The following PSMA7 variants were observed in gnomAD, a reference collection of about 807,000 sequenced individuals.
PSMA7 encodes the protein proteasome 20S subunit alpha 7.
Under a neutral mutation model 31.3 loss-of-function variants are expected in PSMA7, and 5 were observed. The ratio of observed to expected loss-of-function variants is 0.16; its 90% confidence interval spans 0.08 to 0.34. The LOEUF is 0.34. PSMA7 is among the 10% of genes least tolerant of loss of function. The pLI is 1.00. For synonymous variants in PSMA7, 155 were observed against 121.9 expected, an observed-to-expected ratio of 1.27 and a Z score of -1.79; for missense variants, 217 against 327.5, an observed-to-expected ratio of 0.66 and a Z score of 2.60.
rs775347616 is a variant in PSMA7 at position 62,137,442 on chromosome 20, G to A, written c.592-16C>T. 13 of 1,613,624 alleles carry A rather than the reference G, an allele frequency of 8.1e-6. No homozygotes were observed. The highest frequency in any genetic ancestry group is 6.8e-6 in the Non-Finnish European group (8 of 1,179,702). On this transcript the variant is annotated splice_polypyrimidine_tract_variant and intron_variant, in intron 5 of 6. Coordinates refer to ENST00000370873, the MANE Select transcript of PSMA7 (RefSeq NM_002792.4). The stretch of plus-strand genomic sequence containing the variant: ...ACTGAACCACCTTGAAGGGACAGAA[G>A]ACAGGAGCATTAACCACCTTTCCCT...
intron 2 of PSMA7, among the ~76,000 whole-genome samples, chr20:62,140,516 C>A (rs1394741513): frequency 1.3e-5 from 2 of 152,204 alleles, no homozygotes; most frequent in African/African-American, 4.8e-5. Context: ...GCAGTTAGCT[C>A]TAGAAAGTCC....
chr20:62,136,815 T>C lies in PSMA7; in HGVS notation c.*42A>G, dbSNP rs1443792584. 1.3e-6 allele frequency: 2 copies of C among 1,575,870 alleles called. No individual in the cohort carries two copies. Among genetic ancestry groups the C allele is most frequent in the African/African-American group, 1.4e-5 (1 of 72,700 alleles). ...CCTACACATCGAGACTCATCCATGATTGATATGAATTTAAAAATTACAAGC... is the reference window on the plus strand; with the variant it reads ...CCTACACATCGAGACTCATCCATGACTGATATGAATTTAAAAATTACAAGC... On this transcript the variant is annotated 3_prime_UTR_variant, in exon 7 of 7. Transcript: ENST00000370873.
At chr20:62,139,033 T>C in intron 4 of PSMA7, 42 bp downstream of exon 4, 2 of 1,602,932 alleles carry the variant, frequency 1.2e-6, no homozygotes, top group African/African-American at 1.3e-5. Flanking sequence ...TCAAAGCCTT[T>C]TTCTGGCAAG....
intron 6 of PSMA7, 147 bp downstream of exon 6, chr20:62,137,217 T>G (rs1164630367): frequency 1.2e-5 from 11 of 940,200 alleles, no homozygotes; most frequent in Non-Finnish European, 1.8e-5. Context: ...ATCTTCTCTT[T>G]GACGTATGGG....
Position 62,143,327 on chromosome 20 carries a change from C to A in PSMA7, c.-24G>T. 7.3e-7 allele frequency: 1 copy of A among 1,362,862 alleles called. No individual in the cohort carries two copies. Among genetic ancestry groups the A allele is most frequent in the East Asian group, 3.4e-5 (1 of 29,278 alleles). The allele number at this position is 1,362,862 out of a possible 1,614,324, so 84.4% of individuals were successfully genotyped here. The stretch of plus-strand genomic sequence containing the variant: ...ATGCCGGCGGGCGGCGGCCGGGCTC[C>A]TTCCGCCGCGACTCTCAAAAGCGCA... On this transcript the variant is annotated 5_prime_UTR_variant, in exon 1 of 7. In the 5' UTR this introduces an upstream ATG that the reference lacks. Transcript: ENST00000370873.
At chr20:62,137,022 G>A (rs972043413) in intron 6 of PSMA7, 73 bp from the exon 7 acceptor site, 8 of 1,566,264 alleles carry the variant, frequency 5.1e-6, no homozygotes, top group African/African-American at 1.4e-5. Flanking sequence ...TCTGGGGAGG[G>A]CGGCCAGGCT....
intron 6 of PSMA7, 144 bp downstream of exon 6, chr20:62,137,220 C>A: frequency 1.1e-6 from 1 of 947,408 alleles, no homozygotes; most frequent in Non-Finnish European, 1.7e-6. Flanking sequence ...TTCTCTTTGA[C>A]GTATGGGGAG....
In PSMA7 at chr20:62,139,761, GC is replaced by G. The variant is rs2056916010; in HGVS notation, c.348+19del. ...CTGCCCTGCTGCCAGAGGTGAGCAT[GC>G]AAGCGGGCAGGCACCCACCTGCTTC... is the stretch of plus-strand genomic sequence containing the variant. On this transcript the variant is annotated intron_variant, in intron 3 of 6. Coordinates refer to ENST00000370873, the MANE Select transcript of PSMA7 (RefSeq NM_002792.4). The G allele has an allele frequency of 6.2e-7, 1 of 1,613,738 alleles. No individual in the cohort carries two copies. Among genetic ancestry groups the G allele is most frequent in the South Asian group, 1.1e-5 (1 of 91,096 alleles).
At chr20:62,141,915 C>G (rs989349816) in intron 1 of PSMA7, among the ~76,000 whole-genome samples, 1 of 152,250 alleles carries the variant, frequency 6.6e-6, no homozygotes, top group African/African-American at 2.4e-5. Flanking sequence ...AACAGCGCCT[C>G]CTGGTTTAGA....
At chr20:62,137,618 A>G (rs2056903204) in intron 5 of PSMA7, among the ~76,000 whole-genome samples, 192 bp from the exon 6 acceptor site, 1 of 151,934 alleles carries the variant, frequency 6.6e-6, no homozygotes, top group African/African-American at 2.4e-5. Context: ...ATGCCTGCAC[A>G]CCCCTCCGCC....
Position 62,139,767 on chromosome 20 carries a change from G to A in PSMA7, c.348+14C>T, listed in dbSNP as rs201813800. ...TGCTGCCAGAGGTGAGCATGCAAGC[G>A]GGCAGGCACCCACCTGCTTCAGACT... On this transcript the variant is annotated intron_variant, in intron 3 of 6. Transcript: ENST00000370873. 9.3e-6 allele frequency: 15 copies of A among 1,613,738 alleles called. No individual in the cohort carries two copies. Among genetic ancestry groups the A allele is most frequent in the African/African-American group, 8.0e-5 (6 of 74,948 alleles).
rs1471820379 is a variant in PSMA7 at position 62,142,868 on chromosome 20, C to CG, written c.96+339dup. On this transcript the variant is annotated intron_variant, in intron 1 of 6. Coordinates refer to ENST00000370873, the MANE Select transcript of PSMA7 (RefSeq NM_002792.4). ...CGGCCCTCGCCCGGCCTCTGCTCGCCGGGGCGGCGGCGCGACCCACGCGCC... is the reference window on the plus strand; with the variant it reads ...CGGCCCTCGCCCGGCCTCTGCTCGCCGGGGGCGGCGGCGCGACCCACGCGCC... Among the ~76,000 whole-genome samples, 30 of 151,424 alleles carry CG rather than the reference C, an allele frequency of 2.0e-4. No homozygotes were observed. The East Asian group carries it at 5.2e-3, about 26-fold the overall frequency.
intron 3 of PSMA7, 114 bp from the exon 4 acceptor site, chr20:62,139,311 G>T: frequency 7.8e-7 from 1 of 1,287,882 alleles, no homozygotes; most frequent in Non-Finnish European, 1.1e-6. Flanking sequence ...CCCTTCTCAG[G>T]TTATCAGCAG....
At chr20:62,137,939 A>T (rs2056904837) in intron 5 of PSMA7, among the ~76,000 whole-genome samples, 1 of 152,206 alleles carries the variant, frequency 6.6e-6, no homozygotes, top group Non-Finnish European at 1.5e-5. Context: ...GTCCCTGCAC[A>T]ACCCTCAGCT....
At position 62,136,829 on chromosome 20, in the gene PSMA7, A is replaced by G; in HGVS notation, c.*28T>C. 2.5e-6 allele frequency: 4 copies of G among 1,582,990 alleles called. No homozygotes were observed. The highest frequency in any genetic ancestry group is 3.4e-6 in the Non-Finnish European group (4 of 1,170,038). On this transcript the variant is annotated 3_prime_UTR_variant, in exon 7 of 7. Transcript: ENST00000370873. ...CTCATCCATGATTGATATGAATTTAAAAATTACAAGCAAAGACATTTTATT... is the reference window on the plus strand; with the variant it reads ...CTCATCCATGATTGATATGAATTTAGAAATTACAAGCAAAGACATTTTATT...
Position 62,136,939 on chromosome 20 carries a change from G to T in PSMA7, c.665C>A (p.Pro222His), listed in dbSNP as rs201324565. The T allele has an allele frequency of 1.1e-5, 18 of 1,597,666 alleles. No individual in the cohort carries two copies. The highest frequency in any genetic ancestry group is 1.4e-5 in the Non-Finnish European group (17 of 1,175,478). Residue 222 changes from proline to histidine, a missense_variant, in exon 7 of 7, where the codon CCT (proline) becomes CAT (histidine). By Grantham distance (77) the Pro-to-His change is moderately conservative (BLOSUM62 -2). Around this residue, in one of 3 missense-constraint regions of PSMA7, gnomAD observed 88 missense variants for 111.6 expected, o/e 0.79. Transcript: ENST00000370873. ...AGCAACATACTTCTCAATTTCTTCA[G>T]GATTTAAAATCTATAGAAAAAAACT... ...RRDQSLKILN[P>H]EEIEKYVAEI... is the part of the protein sequence containing the mutation.
rs1031669028 is a variant in PSMA7 at position 62,136,882 on chromosome 20, T to G, written c.722A>C (p.Lys241Thr). 2 of 1,599,278 alleles carry G rather than the reference T, an allele frequency of 1.3e-6. No homozygotes were observed. Among genetic ancestry groups the G allele is most frequent in the Non-Finnish European group, 1.7e-6 (2 of 1,175,080 alleles). The change falls in exon 7 of 7, where the codon AAG becomes ACG. Residue 241 changes from lysine to threonine, a missense_variant. Around this residue, in one of 3 missense-constraint regions of PSMA7, gnomAD observed 88 missense variants for 111.6 expected, o/e 0.79. Transcript: ENST00000370873. The part of the protein sequence containing the change: ...EIEKEKEENE[K>T]KKQKKAS ...TCATGATGCTTTCTTTTGTTTCTTC[T>G]TTTCGTTTTCTTCTTTTTCTTTTTC...
chr20:62,139,741 C>G, intron 3 of PSMA7, 40 bp downstream of exon 3: 1 of 1,613,746 alleles, frequency 6.2e-7, no homozygotes, highest in Non-Finnish European at 8.5e-7. Context: ...CGTGACTGCC[C>G]TGCTGCCAGA....
chr20:62,141,608 T>A (rs1166483140), intron 1 of PSMA7, among the ~76,000 whole-genome samples: 1 of 152,212 alleles, frequency 6.6e-6, no homozygotes, highest in Admixed American at 6.5e-5. Context: ...AATGAATCAG[T>A]CCCATGCAAA....
Sources: gnomAD v4.1 joint callset for allele counts (sites outside exome capture counted in the v4.1 genomes callset) on GRCh38, gnomAD v4.1.1 for gene constraint, gnomAD v4.1.1 regional missense constraint, MANE v1.5 for transcripts, NCBI Gene and HGNC (gene_info 2026-07-23, HGNC 2026-07-21) for gene names.